Variants in SLC8A1 observed in about 807,000 individuals in gnomAD.
SLC8A1 encodes sodium/calcium exchanger 1.
In SLC8A1, 18 loss-of-function variants were observed where a neutral mutation model predicts 68.3. The ratio of observed to expected loss-of-function variants is 0.26; its 90% confidence interval spans 0.18 to 0.39. SLC8A1 has a LOEUF of 0.39. Ranked by LOEUF, SLC8A1 falls within the 10% of genes least tolerant of loss-of-function variation. SLC8A1 has a pLI of 1.00. For synonymous variants in SLC8A1, 475 were observed against 415.5 expected, an observed-to-expected ratio of 1.14 and a Z score of -1.74; for missense variants, 985 against 1,156.7, an observed-to-expected ratio of 0.85 and a Z score of 2.15.
chr2:40,291,439 G>A (rs1464488507), intron 2 of SLC8A1, among the ~76,000 whole-genome samples: 1 of 152,078 alleles, frequency 6.6e-6, no homozygotes, highest in Non-Finnish European at 1.5e-5. Flanking sequence ...TATTCCGAAA[G>A]TTTCCTAGGT....
intron 2 of SLC8A1, among the ~76,000 whole-genome samples, chr2:40,315,857 T>C (rs2074376012): frequency 6.6e-6 from 1 of 151,952 alleles, no homozygotes; most frequent in Non-Finnish European, 1.5e-5. Context: ...AGGGGGAAAA[T>C]ACTCAAAAGC....
At chr2:40,362,760 C>G (rs532688111) in intron 2 of SLC8A1, among the ~76,000 whole-genome samples, 2 of 152,068 alleles carry the variant, frequency 1.3e-5, no homozygotes, top group South Asian at 2.1e-4. Flanking sequence ...TAGTTGCATC[C>G]CTCAAACATT....
chr2:40,101,974 T>C (rs1161185921), exon 8 of SLC8A1: 12 of 152,162 alleles, frequency 7.9e-5, no homozygotes, highest in Admixed American at 6.5e-4. Context: ...CGGCTTATTT[T>C]TAATCACCCT....
At chr2:40,498,189 G>C (rs1486038612) in intron 1 of SLC8A1, among the ~76,000 whole-genome samples, 2 of 152,060 alleles carry the variant, frequency 1.3e-5, no homozygotes, top group East Asian at 1.9e-4. Flanking sequence ...TGAGTCTTTA[G>C]ACTCCGCAGA....
chr2:40,117,359 A>C (rs1371537004), intron 7 of SLC8A1, among the ~76,000 whole-genome samples: 1 of 144,276 alleles, frequency 6.9e-6, no homozygotes, highest in Non-Finnish European at 1.5e-5. Flanking sequence ...AGTTTGGCCA[A>C]CATGGTGAAA....
At chr2:40,454,191 C>T (rs1415848868), upstream of SLC8A1, among the ~76,000 whole-genome samples, 2 of 152,186 alleles carry the variant, frequency 1.3e-5, no homozygotes, top group African/African-American at 4.8e-5. Context: ...AGAAAAGTGG[C>T]TGCCTTCTAA....
intron 2 of SLC8A1, among the ~76,000 whole-genome samples, chr2:40,342,738 T>G (rs1230081898): frequency 1.3e-5 from 2 of 152,168 alleles, no homozygotes; most frequent in Non-Finnish European, 2.9e-5. Context: ...ACAATAAACT[T>G]CAAGGTGCAG....
chr2:40,458,824 G>C (rs1419754174), intron 1 of SLC8A1, among the ~76,000 whole-genome samples: 7 of 152,112 alleles, frequency 4.6e-5, no homozygotes, highest in Non-Finnish European at 1.0e-4. Flanking sequence ...GGTTCACTAG[G>C]CATGGGGTTT....
chr2:40,236,980 T>A (rs2060477986), intron 2 of SLC8A1, among the ~76,000 whole-genome samples: 1 of 152,172 alleles, frequency 6.6e-6, no homozygotes, highest in African/African-American at 2.4e-5. Context: ...GCTGTTAGTC[T>A]GATGGGCTTC....
chr2:40,320,694 A>G (rs2075079317), intron 2 of SLC8A1, among the ~76,000 whole-genome samples: 1 of 152,202 alleles, frequency 6.6e-6, no homozygotes, highest in Non-Finnish European at 1.5e-5. Context: ...TAAATGGATC[A>G]TGGAACACAG....
intron 4 of SLC8A1, among the ~76,000 whole-genome samples, chr2:40,172,165 C>T (rs1328105919): frequency 1.3e-5 from 2 of 152,288 alleles, no homozygotes; most frequent in East Asian, 3.9e-4. Context: ...GGGCTTGAAG[C>T]TGCTTTTCGC....
intron 6 of SLC8A1, among the ~76,000 whole-genome samples, chr2:40,150,618 G>C (rs1344898048): frequency 1.3e-5 from 2 of 152,150 alleles, no homozygotes; most frequent in African/African-American, 4.8e-5. Context: ...AGACAAAACT[G>C]CGTTAGAGAC....
chr2:40,122,449 T>C (rs1315336347), intron 7 of SLC8A1, among the ~76,000 whole-genome samples: 1 of 152,166 alleles, frequency 6.6e-6, no homozygotes, highest in Non-Finnish European at 1.5e-5. Context: ...CATGACCTAC[T>C]TTTAGAAGAG....
At chr2:40,413,382 A>G (rs936233567) in intron 2 of SLC8A1, among the ~76,000 whole-genome samples, 1 of 152,160 alleles carries the variant, frequency 6.6e-6, no homozygotes, top group Non-Finnish European at 1.5e-5. Flanking sequence ...ACTGGATTAA[A>G]AAAATGTGGC....
At chr2:40,204,703 G>T (rs1221773134) in intron 2 of SLC8A1, among the ~76,000 whole-genome samples, 1 of 151,752 alleles carries the variant, frequency 6.6e-6, no homozygotes, top group East Asian at 1.9e-4. Context: ...ACATATATAT[G>T]CAAAAAGATA....
chr2:40,488,767 T>C (rs1705133850), intron 1 of SLC8A1, among the ~76,000 whole-genome samples: 1 of 152,162 alleles, frequency 6.6e-6, no homozygotes, highest in Admixed American at 6.6e-5. Flanking sequence ...TTTGATTTCT[T>C]TGCTTGTCTG....
chr2:40,192,106 A>AT (rs1401550126), intron 2 of SLC8A1, among the ~76,000 whole-genome samples: 2 of 152,078 alleles, frequency 1.3e-5, no homozygotes, highest in Non-Finnish European at 2.9e-5. Flanking sequence ...TATATAAGAG[A>AT]TTTTTTTCAC....
At chr2:40,128,448 A>G (rs1404570626) in intron 7 of SLC8A1, among the ~76,000 whole-genome samples, 1 of 152,130 alleles carries the variant, frequency 6.6e-6, no homozygotes, top group East Asian at 1.9e-4. Flanking sequence ...ATTTGAATTG[A>G]TTTAGGAGCC....
At chr2:40,250,934 G>A (rs111618841) in intron 2 of SLC8A1, 1 of 152,130 alleles carries the variant, frequency 6.6e-6, no homozygotes, top group African/African-American at 2.4e-5. Flanking sequence ...GATTATTCTG[G>A]CTTTTTGGGT....
Sources: allele counts gnomAD v4.1 joint callset (sites outside exome capture counted in the v4.1 genomes callset), GRCh38; gene constraint gnomAD v4.1.1; transcripts MANE v1.5; gene names NCBI Gene and HGNC (gene_info 2026-07-23, HGNC 2026-07-21).